Variants in FBXO34 observed in about 807,000 individuals in gnomAD.
FBXO34 encodes F-box protein 34.
FBXO34 carries 12 observed loss-of-function variants against 24.5 expected under a neutral mutation model. That is an observed-to-expected ratio of 0.49 (90% CI 0.31 to 0.79). FBXO34 has a LOEUF of 0.79. FBXO34 is among the 30% of genes least tolerant of loss of function. The probability of loss-of-function intolerance (pLI) is 0.04; values close to 1 mark genes in which losing one functional copy is unlikely to be tolerated. For synonymous variants in FBXO34, 320 were observed against 311.9 expected (o/e 1.03, Z -0.27); for missense variants, 823 against 857.7 (o/e 0.96, Z 0.51).
intron 1 of FBXO34, among the ~76,000 whole-genome samples, chr14:55,302,470 T>TTA (rs1882395869): frequency 7.0e-6 from 1 of 143,488 alleles, no homozygotes; most frequent in Non-Finnish European, 1.5e-5. Flanking sequence ...TTTTTTTTTT[T>TTA]AATTGAGGCA....
chr14:55,299,278 C>T (rs1882257395), intron 1 of FBXO34: 2 of 763,200 alleles, frequency 2.6e-6, no homozygotes, highest in Non-Finnish European at 2.4e-6. Context: ...CCAGCGCGGG[C>T]AGGATGGATG....
the FBXO34 span, among the ~76,000 whole-genome samples, chr14:55,428,122 T>TTTTTTTTTC: frequency 2.8e-5 from 2 of 72,102 alleles, no homozygotes; most frequent in Non-Finnish European, 5.1e-5. Context: ...GCCTTATCTT[T>TTTTTTTTTC]TTTTTTTTTT....
chr14:55,352,022 G>A lies in FBXO34; in HGVS notation c.1632G>A (p.Val544=). 1 of 1,614,194 alleles carries A rather than the reference G, an allele frequency of 6.2e-7. No homozygotes were observed. The change falls in exon 2 of 2, where the codon GTG becomes GTA. Residue 544 remains valine (V), a synonymous_variant. Coordinates refer to ENST00000313833, the MANE Select transcript of FBXO34 (RefSeq NM_017943.4). ...CTTCTGTGGAAAGTACATTACCAGT[G>A]CTTGAGGCATCCAGTTGGAAGAAGC... is the stretch of plus-strand genomic sequence containing the variant. ...PASSVESTLP[V]LEASSWKKQV...
the FBXO34 span, chr14:55,436,519 G>A: frequency 1.5e-4 from 225 of 1,522,260 alleles, no homozygotes; most frequent in Non-Finnish European, 2.0e-4. Flanking sequence ...AATATAAAAT[G>A]TGTACCCAAT....
chr14:55,272,382 G>A (rs1424811574), intron 1 of FBXO34: 1 of 152,122 alleles, frequency 6.6e-6, no homozygotes, highest in East Asian at 1.9e-4. Flanking sequence ...ATTTGATTTA[G>A]AAAAACTTAA....
chr14:55,377,810 T>G, the FBXO34 span: 3 of 1,553,620 alleles, frequency 1.9e-6, no homozygotes, highest in Non-Finnish European at 2.6e-6. Flanking sequence ...GCAACAAATA[T>G]CTTCTTACCT....
intron 1 of FBXO34, among the ~76,000 whole-genome samples, chr14:55,340,798 TA>T (rs1302721920): frequency 1.3e-5 from 2 of 152,304 alleles, no homozygotes; most frequent in East Asian, 3.9e-4. Context: ...ATTTGACACA[TA>T]ATGGATTTTT....
At chr14:55,333,537 A>G (rs1256543277) in intron 1 of FBXO34, among the ~76,000 whole-genome samples, 3 of 152,234 alleles carry the variant, frequency 2.0e-5, no homozygotes, top group African/African-American at 7.2e-5. Flanking sequence ...TTAAAAATAT[A>G]TAAAAACTGT....
At chr14:55,365,058 TAAAA>T (rs563260970), downstream of FBXO34, among the ~76,000 whole-genome samples, 226 of 124,434 alleles carry the variant, frequency 1.8e-3, no homozygotes, top group Non-Finnish European at 2.1e-3. Flanking sequence ...ATCTCTACTT[TAAAA>T]AAAAAAAAAA....
downstream of FBXO34, chr14:55,366,242 A>G (rs1368168325): frequency 6.6e-6 from 1 of 152,540 alleles, no homozygotes; most frequent in Non-Finnish European, 1.5e-5. Context: ...TTTAAAAAAT[A>G]TATTAACATT....
chr14:55,407,992 G>T, the FBXO34 span, among the ~76,000 whole-genome samples: 2 of 152,192 alleles, frequency 1.3e-5, no homozygotes, highest in Non-Finnish European at 2.9e-5. Flanking sequence ...GCCTACAACT[G>T]TGGAGCAGTG....
the FBXO34 span, among the ~76,000 whole-genome samples, chr14:55,425,453 T>C: frequency 6.6e-6 from 1 of 152,224 alleles, no homozygotes; most frequent in Non-Finnish European, 1.5e-5. Context: ...GTAAATGATA[T>C]TGAACTGCAT....
the FBXO34 span, among the ~76,000 whole-genome samples, chr14:55,417,940 A>G: frequency 6.6e-6 from 1 of 152,202 alleles, no homozygotes; most frequent in Non-Finnish European, 1.5e-5. Flanking sequence ...AGGAAAATAA[A>G]TTACTTAACC....
intron 1 of FBXO34, among the ~76,000 whole-genome samples, chr14:55,329,077 G>C (rs1244695859): frequency 7.1e-6 from 1 of 141,008 alleles, no homozygotes; most frequent in Non-Finnish European, 1.6e-5. Flanking sequence ...AGTTCCTAGA[G>C]AGTGGAGTAG....
chr14:55,425,786 C>T, the FBXO34 span, among the ~76,000 whole-genome samples: 1 of 152,294 alleles, frequency 6.6e-6, no homozygotes, highest in African/African-American at 2.4e-5. Flanking sequence ...AAGGGCCTTA[C>T]CTTCACAGTC....
chr14:55,352,124 G>GC lies in FBXO34; in HGVS notation c.1738dup (p.His580ProfsTer20). ...AGCCTCAGCAGTACATGGCTTTTCT[G>GC]CCCCACCACATTATGGTAAAAATCT... is the stretch of plus-strand genomic sequence containing the variant. On this transcript the variant is annotated frameshift_variant, in exon 2 of 2. Coordinates refer to ENST00000313833, the MANE Select transcript of FBXO34 (RefSeq NM_017943.4). LOFTEE classifies it high-confidence loss of function. The GC allele has an allele frequency of 6.2e-7, 1 of 1,614,146 alleles. No homozygotes were observed. Among genetic ancestry groups the GC allele is most frequent in the Non-Finnish European group, 8.5e-7 (1 of 1,180,002 alleles).
At chr14:55,283,189 A>G (rs1881619640) in intron 1 of FBXO34, among the ~76,000 whole-genome samples, 1 of 152,154 alleles carries the variant, frequency 6.6e-6, no homozygotes, top group African/African-American at 2.4e-5. Context: ...GGGCCTTAAG[A>G]GCTTTATGCT....
chr14:55,351,044 C>T lies in FBXO34; in HGVS notation c.654C>T (p.Ala218=). The T allele has an allele frequency of 6.2e-7, 1 of 1,614,190 alleles. No homozygotes were observed. The highest frequency in any genetic ancestry group is 8.5e-7 in the Non-Finnish European group (1 of 1,180,046). ...TGGTTGCCTTCTTGGAGCAAAGAGC[C>T]AGTGCTCTGCTAGCTAGCTGTTCAA... is the stretch of plus-strand genomic sequence containing the variant. ...IQMVAFLEQR[A]SALLASCSKN... Residue 218 remains alanine (A), a synonymous_variant, in exon 2 of 2, where the codon GCC becomes GCT. Coordinates refer to ENST00000313833, the MANE Select transcript of FBXO34 (RefSeq NM_017943.4).
chr14:55,325,603 G>A (rs111418532), intron 1 of FBXO34, among the ~76,000 whole-genome samples: 8,828 of 152,222 alleles, frequency 0.058, 323 homozygotes, highest in South Asian at 0.089. Context: ...AGCCTCCTGA[G>A]TAACTGGGAT....
Sources: allele counts gnomAD v4.1 joint callset (sites outside exome capture counted in the v4.1 genomes callset), GRCh38; gene constraint gnomAD v4.1.1; transcripts MANE v1.5; gene names NCBI Gene and HGNC (gene_info 2026-07-23, HGNC 2026-07-21).